The following JARID2 variants were observed in gnomAD, a reference collection of about 807,000 sequenced individuals.
The protein encoded by JARID2 is jumonji and AT-rich interaction domain containing 2, also known as protein Jumonji.
JARID2 carries 21 observed loss-of-function variants against 125.6 expected under a neutral mutation model. That is an observed-to-expected ratio of 0.17 (90% CI 0.12 to 0.24). The LOEUF (loss-of-function observed/expected upper bound fraction) is 0.24. Among genes scored for constraint, JARID2 ranks in the 10% least tolerant of loss-of-function variants. The probability of loss-of-function intolerance (pLI) is 1.00; values close to 1 mark genes in which losing one functional copy is unlikely to be tolerated. For synonymous variants in JARID2, 736 were observed against 661.6 expected (o/e 1.11, Z -1.73); for missense variants, 1,303 against 1,639.6 (o/e 0.79, Z 3.55).
chr6:15,363,621 G>A (rs1295280523), intron 1 of JARID2, among the ~76,000 whole-genome samples: 1 of 152,204 alleles, frequency 6.6e-6, no homozygotes, highest in Non-Finnish European at 1.5e-5. Context: ...TAGTCAGAAT[G>A]TGATCTGTAC....
At chr6:15,345,511 T>G (rs1193798641) in intron 1 of JARID2, among the ~76,000 whole-genome samples, 1 of 152,234 alleles carries the variant, frequency 6.6e-6, no homozygotes, top group Non-Finnish European at 1.5e-5. Context: ...AAAGAGCTTT[T>G]GATAGGAAGT....
intron 1 of JARID2, among the ~76,000 whole-genome samples, chr6:15,263,959 C>T (rs79292582): frequency 0.074 from 11,266 of 152,224 alleles, 446 homozygotes; most frequent in Admixed American, 0.11. Context: ...GTGACGTGAA[C>T]GCAGCTCACT....
Position 15,374,194 on chromosome 6 carries a change from G to A in JARID2, c.123G>A (p.Lys41=). The change falls in exon 2 of 18, where the codon AAG becomes AAA. Residue 41 remains lysine, a synonymous_variant. Coordinates refer to ENST00000341776, the MANE Select transcript of JARID2 (RefSeq NM_004973.4). ...TTTATTTGTCTCTGAAGGAGTTCAA[G>A]AATTCCCAGAAGAGGCAGCATGCGG... ...KVLYLSLKEF[K]NSQKRQHAEG... 6.2e-7 allele frequency: 1 copy of A among 1,614,178 alleles called. No individual in the cohort carries two copies. Among genetic ancestry groups the A allele is most frequent in the Non-Finnish European group, 8.5e-7 (1 of 1,180,014 alleles).
chr6:15,377,155 T>C (rs1396973727), intron 2 of JARID2, among the ~76,000 whole-genome samples: 1 of 152,136 alleles, frequency 6.6e-6, no homozygotes, highest in Non-Finnish European at 1.5e-5. Flanking sequence ...GTGTATTAGT[T>C]TGTTTTCATA....
At chr6:15,382,161 G>A (rs1212709110) in intron 2 of JARID2, among the ~76,000 whole-genome samples, 1 of 152,232 alleles carries the variant, frequency 6.6e-6, no homozygotes, top group Non-Finnish European at 1.5e-5. Context: ...TACTCAGGAG[G>A]TTGAAGCAGG....
At chr6:15,247,707 T>G in intron 1 of JARID2, 1 of 985,340 alleles carries the variant, frequency 1.0e-6, no homozygotes, top group Non-Finnish European at 1.2e-6. Flanking sequence ...AAAAATATAT[T>G]TAATGGAAAA....
intron 5 of JARID2, among the ~76,000 whole-genome samples, chr6:15,484,631 A>G (rs1017078333): frequency 1.3e-5 from 2 of 152,186 alleles, no homozygotes; most frequent in Admixed American, 1.3e-4. Flanking sequence ...CAGTCTATAG[A>G]TGGGAAAACT....
intron 1 of JARID2, among the ~76,000 whole-genome samples, chr6:15,331,988 T>G (rs707830): frequency 0.9 from 137,098 of 152,142 alleles, 61,958 homozygotes; most frequent in African/African-American, 0.98. Flanking sequence ...TTGATATTTG[T>G]GAGCACACCT....
intron 6 of JARID2, 98 bp from the exon 7 acceptor site, chr6:15,496,034 C>A (rs1481313330): frequency 1.0e-6 from 1 of 981,722 alleles, no homozygotes; most frequent in East Asian, 2.4e-5. Context: ...TCTGTTCATC[C>A]CCAGCATCCA....
chr6:15,370,019 C>A (rs749201993), intron 1 of JARID2, among the ~76,000 whole-genome samples: 1 of 152,136 alleles, frequency 6.6e-6, no homozygotes, highest in Non-Finnish European at 1.5e-5. Context: ...ATGAGGATAG[C>A]AGTGTGACTT....
In JARID2 at chr6:15,472,295, A is replaced by G. The variant is rs144659230; in HGVS notation, c.670+3577A>G. Among the ~76,000 whole-genome samples the G allele has an allele frequency of 4.1e-3, 629 of 152,098 alleles. 3 individuals are homozygous for G. The highest frequency in any genetic ancestry group is 0.01 in the Middle Eastern group (3 of 294). ...CTCTTCTGTCATCCTTTCTTTTACA[A>G]TAGAGTCACAGCATCAGATAGAGGA... On this transcript the variant is annotated intron_variant, in intron 5 of 17. Transcript: ENST00000341776.
intron 3 of JARID2, among the ~76,000 whole-genome samples, chr6:15,451,151 A>G (rs1401276982): frequency 6.6e-6 from 1 of 152,240 alleles, no homozygotes; most frequent in Non-Finnish European, 1.5e-5. Flanking sequence ...AAACAAACAA[A>G]CAAAGAAACA....
chr6:15,466,520 G>C (rs1768748129), intron 4 of JARID2, among the ~76,000 whole-genome samples: 1 of 152,244 alleles, frequency 6.6e-6, no homozygotes, highest in Non-Finnish European at 1.5e-5. Context: ...CTAATGGTAT[G>C]ACTGACAGCA....
At chr6:15,424,532 A>G (rs551346014) in intron 3 of JARID2, among the ~76,000 whole-genome samples, 27 of 152,258 alleles carry the variant, frequency 1.8e-4, no homozygotes, top group Admixed American at 9.2e-4. Context: ...AAGAAGAGCA[A>G]TTTTGCAGAG....
At chr6:15,386,556 C>G (rs1764796618) in intron 2 of JARID2, among the ~76,000 whole-genome samples, 1 of 152,174 alleles carries the variant, frequency 6.6e-6, no homozygotes, top group Admixed American at 6.5e-5. Flanking sequence ...GTTATAACCT[C>G]AAGATCTGGC....
chr6:15,389,858 G>GT (rs1764933092), intron 2 of JARID2, among the ~76,000 whole-genome samples: 1 of 152,208 alleles, frequency 6.6e-6, no homozygotes, highest in South Asian at 2.1e-4. Context: ...ACCCTTTGAT[G>GT]TTTTGATGTT....
At chr6:15,518,514 G>A (rs939461602) in intron 17 of JARID2, among the ~76,000 whole-genome samples, 9 of 152,096 alleles carry the variant, frequency 5.9e-5, no homozygotes, top group African/African-American at 1.2e-4. Context: ...ACGGAGTCTC[G>A]CTCTGTCGCC....
intron 4 of JARID2, among the ~76,000 whole-genome samples, chr6:15,458,133 C>T (rs577433699): frequency 3.0e-4 from 45 of 152,314 alleles, no homozygotes; most frequent in African/African-American, 8.7e-4. Context: ...TTCGTACCAT[C>T]GCCGTATTCC....
intron 4 of JARID2, among the ~76,000 whole-genome samples, chr6:15,467,778 A>C (rs1768813155): frequency 1.3e-5 from 2 of 152,110 alleles, no homozygotes. Context: ...GCGCCACTGC[A>C]CTCAGCTTGG....
Sources: allele counts gnomAD v4.1 joint callset (sites outside exome capture counted in the v4.1 genomes callset), GRCh38; gene constraint gnomAD v4.1.1; transcripts MANE v1.5; gene names NCBI Gene and HGNC (gene_info 2026-07-23, HGNC 2026-07-21).